Variants in RWDD1 observed in about 807,000 individuals in gnomAD.
The protein encoded by RWDD1 is RWD domain-containing protein 1.
Under a neutral mutation model 31.6 loss-of-function variants are expected in RWDD1, and 17 were observed. That is an observed-to-expected ratio of 0.54 (90% CI 0.37 to 0.81). The LOEUF (loss-of-function observed/expected upper bound fraction) is 0.81, where lower values mean the gene tolerates loss of function less well. Ranked by LOEUF, RWDD1 falls within the 30% of genes least tolerant of loss-of-function variation. The pLI is 0.00. For synonymous variants in RWDD1, 78 were observed against 94.2 expected (o/e 0.83, Z 0.99); for missense variants, 204 against 274.5 (o/e 0.74, Z 1.82).
intron 2 of RWDD1, 150 bp from the exon 3 acceptor site, chr6:116,584,577 T>A: frequency 1.6e-6 from 1 of 641,418 alleles, no homozygotes. Flanking sequence ...TTGTGATATG[T>A]GTTGTTTACA....
At chr6:116,589,797 C>A (rs1032378151) in intron 4 of RWDD1, among the ~76,000 whole-genome samples, 1 of 152,112 alleles carries the variant, frequency 6.6e-6, no homozygotes, top group Non-Finnish European at 1.5e-5. Flanking sequence ...AAAGCAGAAA[C>A]CCCTGATAAA....
rs1384022317 is a variant in RWDD1 at position 116,595,392 on chromosome 6, C to T, written c.*2291C>T. On this transcript the variant is annotated 3_prime_UTR_variant, in exon 7 of 7. Transcript: ENST00000466444. Reference sequence around the variant, plus strand: ...TAATAACATTCTCAAATATTTTCATCTAGAGTAAATATTTACTGTTGGCTT... The same window carrying T: ...TAATAACATTCTCAAATATTTTCATTTAGAGTAAATATTTACTGTTGGCTT... 1.3e-5 allele frequency: 2 copies of T among 152,172 alleles called. No homozygotes were observed. The highest frequency in any genetic ancestry group is 4.8e-5 in the African/African-American group (2 of 41,444). The allele number at this position is 152,172 out of a possible 1,614,324, so 9.4% of individuals were successfully genotyped here. A position where few individuals can be genotyped will look rare whatever the true frequency, so the allele number is the denominator to read the frequency against.
intron 2 of RWDD1, among the ~76,000 whole-genome samples, chr6:116,583,182 G>A (rs1166388700): frequency 6.6e-6 from 1 of 151,846 alleles, no homozygotes; most frequent in South Asian, 2.1e-4. Context: ...TCTCACTCTT[G>A]CCCAGGCTGG....
chr6:116,590,443 C>G, intron 5 of RWDD1, 39 bp downstream of exon 5: 1 of 1,514,604 alleles, frequency 6.6e-7, no homozygotes, highest in Non-Finnish European at 8.8e-7. Flanking sequence ...CCTAAACCCT[C>G]CTGTATCATT....
Position 116,596,264 on chromosome 6 carries a change from TCAGAA to T in RWDD1, c.*3168_*3172del, listed in dbSNP as rs1433098092. ...GGAACTAATTTTAGAAAAAGACTCT[TCAGAA>T]CAGATGACACATGAAATGTGAGTTT... On this transcript the variant is annotated 3_prime_UTR_variant, in exon 7 of 7. Transcript: ENST00000466444. 2.6e-5 allele frequency: 4 copies of T among 152,224 alleles called. No homozygotes were observed. Among genetic ancestry groups the T allele is most frequent in the Non-Finnish European group, 5.9e-5 (4 of 68,050 alleles). 9.4% of individuals were successfully genotyped at this position (152,224 alleles called of 1,614,324 possible).
At chr6:116,587,977 T>C (rs989351696) in intron 3 of RWDD1, among the ~76,000 whole-genome samples, 1 of 152,008 alleles carries the variant, frequency 6.6e-6, no homozygotes, top group East Asian at 1.9e-4. Flanking sequence ...GAGAAGATGA[T>C]GGTTGTGTGT....
intron 3 of RWDD1, among the ~76,000 whole-genome samples, chr6:116,586,218 A>C (rs4946183): frequency 0.18 from 27,833 of 152,076 alleles, 2,708 homozygotes; most frequent in East Asian, 0.29. Context: ...AAAATAATAA[A>C]TTCATATTGC....
In RWDD1 at chr6:116,586,988, G is replaced by A. The variant is rs867960744; in HGVS notation, c.271-1854G>A. 2.6e-5 allele frequency among the ~76,000 whole-genome samples: 4 copies of A among 152,238 alleles called. No individual in the cohort carries two copies. In the South Asian group the frequency reaches 8.3e-4, roughly 32 times the overall value. On this transcript the variant is annotated intron_variant, in intron 3 of 6. Coordinates refer to ENST00000466444, the MANE Select transcript of RWDD1 (RefSeq NM_015952.4). ...TAAGTTGCATTTTAAAAATACTAGT[G>A]ATGTGGAACTAGTATGACTTCCGAG...
At chr6:116,577,931 C>A (rs1583330222) in intron 1 of RWDD1, among the ~76,000 whole-genome samples, 1 of 152,262 alleles carries the variant, frequency 6.6e-6, no homozygotes, top group East Asian at 1.9e-4. Flanking sequence ...CTATATATAT[C>A]TTTAGCTTTG....
chr6:116,586,907 C>T (rs1423943466), intron 3 of RWDD1, among the ~76,000 whole-genome samples: 1 of 152,016 alleles, frequency 6.6e-6, no homozygotes, highest in Non-Finnish European at 1.5e-5. Context: ...TTTGCTAATA[C>T]CAGATATTTA....
At chr6:116,588,795 T>G (rs1368602203) in intron 3 of RWDD1, 47 bp from the exon 4 acceptor site, 1 of 1,418,588 alleles carries the variant, frequency 7.0e-7, no homozygotes, top group Non-Finnish European at 9.4e-7. Context: ...TGTATGGACT[T>G]TTATTTTTCT....
At chr6:116,581,675 T>C (rs1318404932) in intron 2 of RWDD1, among the ~76,000 whole-genome samples, 1 of 152,020 alleles carries the variant, frequency 6.6e-6, no homozygotes, top group Non-Finnish European at 1.5e-5. Flanking sequence ...TAATTAAAAA[T>C]GCAAGCTAAA....
At chr6:116,584,673 A>G in intron 2 of RWDD1, 54 bp from the exon 3 acceptor site, 1 of 1,505,740 alleles carries the variant, frequency 6.6e-7, no homozygotes, top group South Asian at 1.2e-5. Context: ...CAGCAAAGAT[A>G]TCTACCTCTT....
At position 116,597,023 on chromosome 6, in the gene RWDD1, C is replaced by T. The variant is rs1282577231; in HGVS notation, c.*3922C>T. On this transcript the variant is annotated 3_prime_UTR_variant, in exon 7 of 7. Transcript: ENST00000466444. ...TTCCCAACATGAGTGCTGCTGTCCA[C>T]GGTACTGAACCATCAATGCTAAATG... is the stretch of plus-strand genomic sequence containing the variant. 6.6e-6 allele frequency: 1 copy of T among 152,178 alleles called. No individual in the cohort carries two copies. Among genetic ancestry groups the T allele is most frequent in the African/African-American group, 2.4e-5 (1 of 41,426 alleles). The allele number at this position is 152,178 out of a possible 1,614,324, so 9.4% of individuals were successfully genotyped here. A position where few individuals can be genotyped will look rare whatever the true frequency, so the allele number is the denominator to read the frequency against.
At chr6:116,584,393 T>A (rs531687244) in intron 2 of RWDD1, among the ~76,000 whole-genome samples, 4 of 152,334 alleles carry the variant, frequency 2.6e-5, no homozygotes, top group Admixed American at 2.6e-4. Flanking sequence ...GTAGTCTTTT[T>A]AAAAATATGT....
In RWDD1 at chr6:116,594,453, T is replaced by G. The variant is rs1285273643; in HGVS notation, c.*1352T>G. ...TATGAACACTGATCCCCAGTCTGAA[T>G]TTTAAAACAGCAAAATCTCATACTG... On this transcript the variant is annotated 3_prime_UTR_variant, in exon 7 of 7. Coordinates refer to ENST00000466444, the MANE Select transcript of RWDD1 (RefSeq NM_015952.4). 6.6e-6 allele frequency: 1 copy of G among 152,214 alleles called. No individual in the cohort carries two copies. The highest frequency in any genetic ancestry group is 1.5e-5 in the Non-Finnish European group (1 of 68,026). 9.4% of individuals were successfully genotyped at this position (152,214 alleles called of 1,614,324 possible).
intron 1 of RWDD1, 130 bp downstream of exon 1, chr6:116,571,785 C>A (rs1372401479): frequency 1.3e-5 from 8 of 634,882 alleles, no homozygotes; most frequent in Admixed American, 3.6e-5. Context: ...ACCTTGCCCT[C>A]CACTCCTCAA....
At chr6:116,588,721 C>T (rs1468363150) in intron 3 of RWDD1, 121 bp from the exon 4 acceptor site, 1 of 466,140 alleles carries the variant, frequency 2.1e-6, no homozygotes, top group African/African-American at 2.1e-5. Context: ...TATATGCTTA[C>T]TTAAATGATC....
In RWDD1 at chr6:116,585,889, G is replaced by A. The variant is rs1366225963; in HGVS notation, c.270+1032G>A. Among the ~76,000 whole-genome samples, 5 of 152,184 alleles carry A rather than the reference G, an allele frequency of 3.3e-5. No homozygotes were observed. In the East Asian group the frequency reaches 9.7e-4, roughly 29 times the overall value. On this transcript the variant is annotated intron_variant, in intron 3 of 6. Transcript: ENST00000466444. ...GGCTCATGCAGCCTTGAACTCCTGGGCTCAAGTGATCCTTCTGCCTCAGCC... is the reference window on the plus strand; with the variant it reads ...GGCTCATGCAGCCTTGAACTCCTGGACTCAAGTGATCCTTCTGCCTCAGCC...
Sources: allele counts gnomAD v4.1 joint callset (sites outside exome capture counted in the v4.1 genomes callset), GRCh38; gene constraint gnomAD v4.1.1; transcripts MANE v1.5; gene names NCBI Gene and HGNC (gene_info 2026-07-23, HGNC 2026-07-21).